The following PHF21B variants were observed in gnomAD, a reference collection of about 807,000 sequenced individuals.
PHF21B encodes the protein PHD finger protein 21B, also known as PHD finger protein 4.
In PHF21B, 22 loss-of-function variants were observed where a neutral mutation model predicts 62.2. That is an observed-to-expected ratio of 0.35 (90% CI 0.25 to 0.51). The LOEUF (loss-of-function observed/expected upper bound fraction) is 0.51, where lower values mean the gene tolerates loss of function less well. Among genes scored for constraint, PHF21B ranks in the 20% least tolerant of loss-of-function variants. The pLI is 0.97. For synonymous variants in PHF21B, 341 were observed against 314.7 expected (o/e 1.08, Z -0.88); for missense variants, 701 against 707.9 (o/e 0.99, Z 0.11).
intron 2 of PHF21B, among the ~76,000 whole-genome samples, chr22:44,938,589 G>A (rs532430468): frequency 6.6e-6 from 1 of 152,240 alleles, no homozygotes; most frequent in Non-Finnish European, 1.5e-5. Context: ...TAGAAAGGCA[G>A]GGCCAAGGGG....
chr22:44,937,743 T>G (rs182707399), intron 2 of PHF21B, among the ~76,000 whole-genome samples: 2 of 152,332 alleles, frequency 1.3e-5, no homozygotes, highest in East Asian at 1.9e-4. Flanking sequence ...GGGATGCCAC[T>G]GAGAAACACG....
chr22:44,901,696 G>A (rs1034461517), intron 5 of PHF21B: 24 of 445,374 alleles, frequency 5.4e-5, no homozygotes, highest in Non-Finnish European at 7.7e-5. Flanking sequence ...GCCCAAGGGG[G>A]AAGCCCCATT....
At chr22:44,955,246 C>T (rs1243459821) in intron 2 of PHF21B, among the ~76,000 whole-genome samples, 1 of 152,198 alleles carries the variant, frequency 6.6e-6, no homozygotes, top group Non-Finnish European at 1.5e-5. Flanking sequence ...CACTCCACAG[C>T]TGTGTGACCT....
In PHF21B at chr22:45,008,630, C is replaced by A. The variant is rs554133673; in HGVS notation, c.55-20G>T. Reference sequence around the variant, plus strand: ...GCCGTTCTGCGGAAACACGGAGGAGCGGGCTCAGGCAGGCCACCCGGGGTC... The same window carrying A: ...GCCGTTCTGCGGAAACACGGAGGAGAGGGCTCAGGCAGGCCACCCGGGGTC... On this transcript the variant is annotated intron_variant, in intron 1 of 12. Transcript: ENST00000313237. 1.3e-6 allele frequency: 2 copies of A among 1,548,892 alleles called. No individual in the cohort carries two copies. The highest frequency in any genetic ancestry group is 1.9e-5 in the Admixed American group (1 of 53,510).
rs551623892 is a variant in PHF21B, at chr22:44,939,442, C to T, written c.121-18952G>A. ...CGAAGTTTCAATGAAATGCAGGAAG[C>T]ACTGCGCACTGAGCAAATGCCAAGG... On this transcript the variant is annotated intron_variant, in intron 2 of 12. Transcript: ENST00000313237. Among the ~76,000 whole-genome samples, 32 of 152,350 alleles carry T rather than the reference C, an allele frequency of 2.1e-4. 1 individual carries two copies. Among genetic ancestry groups the T allele is most frequent in the African/African-American group, 6.7e-4 (28 of 41,582 alleles).
At chr22:44,905,620 TTTTG>T (rs2071235230) in intron 5 of PHF21B, among the ~76,000 whole-genome samples, 1 of 151,984 alleles carries the variant, frequency 6.6e-6, no homozygotes, top group Non-Finnish European at 1.5e-5. Context: ...CACAATTTCT[TTTTG>T]TTTTTTTGTT....
intron 2 of PHF21B, among the ~76,000 whole-genome samples, chr22:44,983,829 T>C (rs541563923): frequency 1.3e-5 from 2 of 152,232 alleles, no homozygotes; most frequent in South Asian, 2.1e-4. Context: ...ATAAAACCAC[T>C]AATATTTGCA....
At position 45,009,434 on chromosome 22, in the gene PHF21B, C is replaced by G; in HGVS notation, c.54+62G>C. On this transcript the variant is annotated intron_variant, in intron 1 of 12. Transcript: ENST00000313237. The surrounding 1 kb of genome is among the most constrained non-coding windows in gnomAD (Gnocchi z 5.9). ...GGAAGAGAGGATGCTGGGCTCGGGT[C>G]CCCCGACCCCCTCACCCCGCAACAC... 1 of 1,441,480 alleles carries G rather than the reference C, an allele frequency of 6.9e-7. No individual in the cohort carries two copies. Among genetic ancestry groups the G allele is most frequent in the East Asian group, 2.6e-5 (1 of 38,612 alleles). 89.3% of individuals were successfully genotyped at this position (1,441,480 alleles called of 1,614,324 possible).
At chr22:44,892,323 G>A (rs747673370) in intron 7 of PHF21B, among the ~76,000 whole-genome samples, 32 of 152,238 alleles carry the variant, frequency 2.1e-4, no homozygotes, top group Non-Finnish European at 4.0e-4. Context: ...CAGGAGCGGG[G>A]CAGGCAGAAG....
At chr22:44,909,792 T>A (rs1445552491) in intron 5 of PHF21B, among the ~76,000 whole-genome samples, 1 of 152,238 alleles carries the variant, frequency 6.6e-6, no homozygotes, top group Non-Finnish European at 1.5e-5. Context: ...CTCTGCTGGA[T>A]CCTGGCAACT....
In PHF21B at chr22:45,009,689, G is replaced by A. The variant is rs1457132842; in HGVS notation, c.-140C>T. ...GGGGGACACGAGCCCCCTCCCCCAC[G>A]GCCGAAAGGGAAGGGGGCTGGCGAA... On this transcript the variant is annotated 5_prime_UTR_variant, in exon 1 of 13. Transcript: ENST00000313237. This position sits in a 1 kb window ranked among gnomAD's most constrained non-coding sequence, Gnocchi z 5.9. 10 of 754,890 alleles carry A rather than the reference G, an allele frequency of 1.3e-5. No homozygotes were observed. Among genetic ancestry groups the A allele is most frequent in the East Asian group, 6.7e-5 (2 of 29,648 alleles). 46.8% of individuals were successfully genotyped at this position (754,890 alleles called of 1,614,324 possible).
chr22:44,947,971 G>GCCTTCTCCCCGCTGTTGTC (rs2072109289), intron 2 of PHF21B, among the ~76,000 whole-genome samples: 3 of 136,552 alleles, frequency 2.2e-5, no homozygotes, highest in Non-Finnish European at 4.8e-5. Flanking sequence ...GGGCGCCAGA[G>GCCTTCTCCCCGCTGTTGTC]CCTCCTCCCC....
At chr22:44,996,041 A>G (rs2073116882) in intron 2 of PHF21B, among the ~76,000 whole-genome samples, 1 of 152,140 alleles carries the variant, frequency 6.6e-6, no homozygotes, top group African/African-American at 2.4e-5. Flanking sequence ...GCCCATATCC[A>G]AACATCACAC....
chr22:44,924,991 C>T (rs779306343), intron 2 of PHF21B, among the ~76,000 whole-genome samples: 7 of 152,190 alleles, frequency 4.6e-5, no homozygotes, highest in Non-Finnish European at 7.3e-5. Context: ...GAACAAACTA[C>T]TGACACACAC....
chr22:45,007,923 G>A (rs1185735003), intron 2 of PHF21B, among the ~76,000 whole-genome samples: 1 of 152,062 alleles, frequency 6.6e-6, no homozygotes, highest in East Asian at 2.0e-4. Flanking sequence ...GGGGGGAGCG[G>A]TCGCGCCTCC....
chr22:44,892,096 C>T (rs1344590984), intron 7 of PHF21B, among the ~76,000 whole-genome samples: 1 of 152,108 alleles, frequency 6.6e-6, no homozygotes, highest in East Asian at 1.9e-4. Context: ...CCTAGAGTAA[C>T]GCCTCGTCCA....
chr22:44,949,189 T>C (rs967794097), intron 2 of PHF21B, among the ~76,000 whole-genome samples: 1 of 150,642 alleles, frequency 6.6e-6, no homozygotes, highest in African/African-American at 2.4e-5. Context: ...TAATCCCAGA[T>C]ACTTGGGAGG....
Position 45,009,681 on chromosome 22 carries a change from T to G in PHF21B, c.-132A>C. 2 of 806,334 alleles carry G rather than the reference T, an allele frequency of 2.5e-6. No homozygotes were observed. The highest frequency in any genetic ancestry group is 3.6e-6 in the Non-Finnish European group (2 of 562,090). 49.9% of individuals were successfully genotyped at this position (806,334 alleles called of 1,614,324 possible). On this transcript the variant is annotated 5_prime_UTR_variant, in exon 1 of 13. Coordinates refer to ENST00000313237, the MANE Select transcript of PHF21B (RefSeq NM_138415.5). The surrounding 1 kb of genome is among the most constrained non-coding windows in gnomAD (Gnocchi z 5.9). ...TGGGTTGGGGGGGACACGAGCCCCC[T>G]CCCCCACGGCCGAAAGGGAAGGGGG...
At chr22:44,923,935 C>A (rs1256191604) in intron 2 of PHF21B, among the ~76,000 whole-genome samples, 1 of 151,474 alleles carries the variant, frequency 6.6e-6, no homozygotes, top group African/African-American at 2.4e-5. Context: ...CACTTTAGGC[C>A]AGGAGGTTGA....
Sources: allele counts gnomAD v4.1 joint callset (sites outside exome capture counted in the v4.1 genomes callset), GRCh38; gene constraint gnomAD v4.1.1; non-coding constraint Gnocchi (gnomAD v3.1); transcripts MANE v1.5; gene names NCBI Gene and HGNC (gene_info 2026-07-23, HGNC 2026-07-21).